Variants in MYL10 observed in about 807,000 individuals in gnomAD.
The protein encoded by MYL10 is myosin light chain 10.
MYL10 carries 18 observed loss-of-function variants against 21.9 expected under a neutral mutation model. The ratio of observed to expected loss-of-function variants is 0.82; its 90% CI spans 0.57 to 1.22. The LOEUF is 1.22. MYL10 is among the 50% of genes most tolerant of loss of function. The pLI, the probability that MYL10 is intolerant of heterozygous loss-of-function variation, is 0.00. For missense variants in MYL10, 225 were observed against 230.4 expected, an observed-to-expected ratio of 0.98 and a Z score of 0.15; for synonymous variants, 88 against 82.8, an observed-to-expected ratio of 1.06 and a Z score of -0.34.
intron 1 of MYL10, among the ~76,000 whole-genome samples, chr7:101,625,617 A>G (rs1229060904): frequency 2.6e-5 from 4 of 150,988 alleles, no homozygotes; most frequent in Admixed American, 6.6e-5. Flanking sequence ...GGGCAGGGGC[A>G]GAAGCGCCGG....
rs1241199194 is a variant in MYL10, at chr7:101,622,977, C to T, written c.349+20G>A. 1.2e-6 allele frequency: 2 copies of T among 1,612,758 alleles called. No individual in the cohort carries two copies. The highest frequency in any genetic ancestry group is 1.1e-5 in the South Asian group (1 of 91,034). On this transcript the variant is annotated intron_variant, in intron 4 of 7. Coordinates refer to ENST00000223167, the MANE Select transcript of MYL10 (RefSeq NM_138403.5). ...CTGGCTGGCCTGGCCCTAATCTCCCCCGGCTGCTGGCTCACCCACCCAGCG... is the reference window on the plus strand; with the variant it reads ...CTGGCTGGCCTGGCCCTAATCTCCCTCGGCTGCTGGCTCACCCACCCAGCG...
Position 101,623,003 on chromosome 7 carries a change from C to A in MYL10, c.343G>T (p.Ala115Ser), listed in dbSNP as rs369962362. ...DKEDLRDTFAALGRINVKNEE... is the reference protein window; with the variant it reads ...DKEDLRDTFASLGRINVKNEE... ...CGGCTGCTGGCTCACCCACCCAGCGCGGCAAAGGTGTCCCTCAAGTCCTCT... is the reference window on the plus strand; with the variant it reads ...CGGCTGCTGGCTCACCCACCCAGCGAGGCAAAGGTGTCCCTCAAGTCCTCT... Residue 115 changes from alanine (A) to serine (S), a missense_variant, in exon 4 of 8, where the codon GCG becomes TCG. By Grantham distance (99) the Ala-to-Ser change is moderately conservative (BLOSUM62 1). Coordinates refer to ENST00000223167, the MANE Select transcript of MYL10 (RefSeq NM_138403.5). The A allele has an allele frequency of 1.9e-6, 3 of 1,613,930 alleles. No homozygotes were observed. Among genetic ancestry groups the A allele is most frequent in the Non-Finnish European group, 1.7e-6 (2 of 1,179,982 alleles).
chr7:101,628,939 T>C, intron 1 of MYL10, 102 bp downstream of exon 1: 1 of 421,242 alleles, frequency 2.4e-6, no homozygotes, highest in Non-Finnish European at 4.7e-6. Context: ...ATTCAATCCA[T>C]ATCCCATTTT....
chr7:101,625,856 C>G (rs746062494), intron 1 of MYL10, among the ~76,000 whole-genome samples: 3 of 152,150 alleles, frequency 2.0e-5, no homozygotes, highest in Non-Finnish European at 4.4e-5. Flanking sequence ...GAGGTTCTGC[C>G]CTTTCTCTGG....
At chr7:101,622,390 C>T (rs1465137085) in intron 4 of MYL10, among the ~76,000 whole-genome samples, 190 bp from the exon 5 acceptor site, 11 of 152,120 alleles carry the variant, frequency 7.2e-5, no homozygotes, top group Non-Finnish European at 1.5e-4. Flanking sequence ...CCCCCAGCCT[C>T]ATGAGAAGGG....
At chr7:101,625,720 A>G (rs1377240585) in intron 1 of MYL10, among the ~76,000 whole-genome samples, 1 of 152,188 alleles carries the variant, frequency 6.6e-6, no homozygotes, top group African/African-American at 2.4e-5. Flanking sequence ...GATGCTGTAA[A>G]ACCTCTGTAA....
rs866882924 is a variant in MYL10 at position 101,622,156 on chromosome 7, C to T, written c.394G>A (p.Glu132Lys). ...GTGAAGTTGATGGGTCCGGGGGCCTCCTTCACCATGGCCTCCAGTTCCTCG... is the reference window on the plus strand; with the variant it reads ...GTGAAGTTGATGGGTCCGGGGGCCTTCTTCACCATGGCCTCCAGTTCCTCG... ...KNEELEAMVK[E>K]APGPINFTVF... The change falls in exon 5 of 8, where the codon GAG becomes AAG. Residue 132 changes from glutamate (E) to lysine (K), a missense_variant. Transcript: ENST00000223167. 2 of 1,613,354 alleles carry T rather than the reference C, an allele frequency of 1.2e-6. No individual in the cohort carries two copies. Among genetic ancestry groups the T allele is most frequent in the Non-Finnish European group, 1.7e-6 (2 of 1,179,584 alleles).
intron 4 of MYL10, among the ~76,000 whole-genome samples, 154 bp downstream of exon 4, chr7:101,622,843 C>A (rs892379570): frequency 2.6e-5 from 4 of 152,048 alleles, no homozygotes; most frequent in Non-Finnish European, 5.9e-5. Context: ...CAGGAAGGTC[C>A]CCCCCTGACT....
intron 4 of MYL10, among the ~76,000 whole-genome samples, chr7:101,622,726 C>T (rs531451377): frequency 1.3e-5 from 2 of 152,318 alleles, no homozygotes; most frequent in South Asian, 2.1e-4. Context: ...CCCCTCCCCA[C>T]ACCCAGGGTC....
chr7:101,627,406 G>A (rs1262522750), intron 1 of MYL10: 2 of 153,100 alleles, frequency 1.3e-5, no homozygotes, highest in Non-Finnish European at 2.9e-5. Flanking sequence ...ACAGCCACAG[G>A]CCTGAGCTCC....
chr7:101,619,048 C>T lies in MYL10; in HGVS notation c.455-2750G>A, dbSNP rs1040881625. ...CACCAGGGGCGGGAGGTGCTCACAGCCTCACCTCCTGGGCCCGGCCCTGGG... is the reference window on the plus strand; with the variant it reads ...CACCAGGGGCGGGAGGTGCTCACAGTCTCACCTCCTGGGCCCGGCCCTGGG... On this transcript the variant is annotated intron_variant, in intron 5 of 7. Coordinates refer to ENST00000223167, the MANE Select transcript of MYL10 (RefSeq NM_138403.5). Among the ~76,000 whole-genome samples the T allele has an allele frequency of 1.2e-4, 19 of 152,196 alleles. 1 individual carries two copies. The highest frequency in any genetic ancestry group is 1.9e-4 in the Non-Finnish European group (13 of 68,022).
At chr7:101,620,220 G>A (rs1450151754) in intron 5 of MYL10, among the ~76,000 whole-genome samples, 1 of 152,166 alleles carries the variant, frequency 6.6e-6, no homozygotes, top group Admixed American at 6.5e-5. Flanking sequence ...AGCTTCTTGG[G>A]AGGCTGAAGC....
intron 6 of MYL10, among the ~76,000 whole-genome samples, chr7:101,615,647 C>T (rs1407210108): frequency 6.7e-6 from 1 of 148,666 alleles, no homozygotes; most frequent in Non-Finnish European, 1.5e-5. Context: ...TGCCTTTGCC[C>T]CCACACCCAC....
chr7:101,614,975 G>T (rs1400866742), intron 6 of MYL10, among the ~76,000 whole-genome samples: 1 of 152,204 alleles, frequency 6.6e-6, no homozygotes, highest in Non-Finnish European at 1.5e-5. Flanking sequence ...CGTCGGCACA[G>T]CTCAGAGGTC....
chr7:101,622,375 G>A (rs1378764353), intron 4 of MYL10, among the ~76,000 whole-genome samples, 175 bp from the exon 5 acceptor site: 4 of 152,194 alleles, frequency 2.6e-5, no homozygotes, highest in Non-Finnish European at 4.4e-5. Flanking sequence ...GTCAGCTTCC[G>A]GCTGCCCCCA....
In MYL10 at chr7:101,624,200, T is replaced by C. The variant is rs1464073063; in HGVS notation, c.143A>G (p.Asp48Gly). ...TASSNVFSMF[D>G]QSQIQEFKES... ...TTTAAACTCCTGGATCTGGGACTGATCAAACATGGAGAAGACGTTGGAGCT... is the reference window on the plus strand; with the variant it reads ...TTTAAACTCCTGGATCTGGGACTGACCAAACATGGAGAAGACGTTGGAGCT... Residue 48 changes from aspartate to glycine, a missense_variant, in exon 2 of 8, where the codon GAT (aspartate) becomes GGT (glycine). Asp to Gly is a moderately conservative substitution (Grantham distance 94). Transcript: ENST00000223167. 3 of 1,613,456 alleles carry C rather than the reference T, an allele frequency of 1.9e-6. No homozygotes were observed. Among genetic ancestry groups the C allele is most frequent in the African/African-American group, 2.7e-5 (2 of 74,810 alleles).
In MYL10 at chr7:101,624,576, C is replaced by A. The variant is rs373224627; in HGVS notation, c.79-312G>T. ...GAACAGAGGCGGGCATCTCTTCCTT[C>A]AGCCTCCCCATCTCTACCCCGGCAT... On this transcript the variant is annotated intron_variant, in intron 1 of 7. Coordinates refer to ENST00000223167, the MANE Select transcript of MYL10 (RefSeq NM_138403.5). 3.3e-5 allele frequency among the ~76,000 whole-genome samples: 5 copies of A among 152,226 alleles called. No individual in the cohort carries two copies. In the East Asian group the frequency reaches 7.7e-4, roughly 23 times the overall value.
intron 1 of MYL10, among the ~76,000 whole-genome samples, chr7:101,627,313 T>A (rs1306255917): frequency 1.2e-5 from 1 of 84,432 alleles, no homozygotes; most frequent in East Asian, 3.5e-4. Context: ...AGAAAAGGAA[T>A]TGCGGAGTGA....
At chr7:101,624,780 C>T (rs183950268) in intron 1 of MYL10, among the ~76,000 whole-genome samples, 10 of 152,286 alleles carry the variant, frequency 6.6e-5, no homozygotes, top group African/African-American at 1.7e-4. Flanking sequence ...TCCCTCCCAG[C>T]GTTTGCCCCT....
Sources: gnomAD v4.1 joint callset for allele counts (sites outside exome capture counted in the v4.1 genomes callset) on GRCh38, gnomAD v4.1.1 for gene constraint, MANE v1.5 for transcripts, NCBI Gene and HGNC (gene_info 2026-07-23, HGNC 2026-07-21) for gene names.